PRDM6: variants seen among roughly 807,000 people sequenced by gnomAD.
PRDM6 encodes PR/SET domain 6.
A neutral mutation model predicts 60.8 loss-of-function variants in PRDM6; 25 were observed. The ratio of observed to expected loss-of-function variants is 0.41; its 90% confidence interval spans 0.30 to 0.57. PRDM6 has a LOEUF of 0.57. Among genes scored for constraint, PRDM6 ranks in the 20% least tolerant of loss-of-function variants. The probability of loss-of-function intolerance (pLI) is 0.27; values close to 1 mark genes in which losing one functional copy is unlikely to be tolerated. For synonymous variants in PRDM6, 407 were observed against 357.4 expected (o/e 1.14, Z -1.57); for missense variants, 839 against 821.3 (o/e 1.02, Z -0.26).
At chr5:123,174,837 C>T (rs1765968601) in intron 6 of PRDM6, among the ~76,000 whole-genome samples, 1 of 152,020 alleles carries the variant, frequency 6.6e-6, no homozygotes, top group African/African-American at 2.4e-5. Flanking sequence ...AAAAACACAC[C>T]CATGAGGGTC....
intron 6 of PRDM6, among the ~76,000 whole-genome samples, chr5:123,176,287 A>AAG (rs1358450372): frequency 6.6e-6 from 1 of 151,388 alleles, no homozygotes; most frequent in Admixed American, 6.6e-5. Context: ...AAAAAAACAA[A>AAG]AAAAAAACCA....
chr5:123,130,741 A>G (rs934269929), intron 3 of PRDM6, among the ~76,000 whole-genome samples: 2 of 151,962 alleles, frequency 1.3e-5, no homozygotes, highest in African/African-American at 4.8e-5. Context: ...ATTGTTTTGT[A>G]TTTTTAATAG....
At chr5:123,142,877 C>CAAAAAAAAAAAA in intron 3 of PRDM6, among the ~76,000 whole-genome samples, 30 of 27,354 alleles carry the variant, frequency 1.1e-3, no homozygotes, top group Non-Finnish European at 1.3e-3. Context: ...CAGTGAAGAC[C>CAAAAAAAAAAAA]AAAAAAAAAA....
At chr5:123,109,396 C>T (rs758853720) in intron 3 of PRDM6, among the ~76,000 whole-genome samples, 1 of 152,026 alleles carries the variant, frequency 6.6e-6, no homozygotes, top group Non-Finnish European at 1.5e-5. Flanking sequence ...GATTTTCCCC[C>T]GTTTTCAGTT....
At chr5:123,106,022 G>T (rs1049808823) in intron 3 of PRDM6, among the ~76,000 whole-genome samples, 14 of 152,202 alleles carry the variant, frequency 9.2e-5, no homozygotes, top group Non-Finnish European at 2.1e-4. Flanking sequence ...CAATTGTCAG[G>T]CTGCCTGTTC....
At chr5:123,125,820 G>T (rs1035408868) in intron 3 of PRDM6, among the ~76,000 whole-genome samples, 1 of 152,220 alleles carries the variant, frequency 6.6e-6, no homozygotes, top group South Asian at 2.1e-4. Flanking sequence ...TGAAGACAGG[G>T]AGTTTCATGC....
At position 123,090,590 on chromosome 5, in the gene PRDM6, C is replaced by G. The variant is rs1415274941; in HGVS notation, c.576C>G (p.Thr192=). 8.5e-6 allele frequency: 13 copies of G among 1,524,110 alleles called. 1 individual carries two copies. The highest frequency in any genetic ancestry group is 8.7e-6 in the Non-Finnish European group (10 of 1,143,086). 94.4% of individuals were successfully genotyped at this position (1,524,110 alleles called of 1,614,324 possible). A position where few individuals can be genotyped will look rare whatever the true frequency, so the allele number is the denominator to read the frequency against. Residue 192 remains threonine (T), a synonymous_variant, in exon 2 of 8, where the codon ACC becomes ACG. Coordinates refer to ENST00000407847, the MANE Select transcript of PRDM6 (RefSeq NM_001136239.4). ...RMEIIPLNQH[T]SDPNNRCDMC... The stretch of plus-strand genomic sequence containing the variant: ...AGATCATCCCGCTCAACCAGCACAC[C>G]AGCGACCCCAACAACCGTACGTAGC...
rs568350979 is a variant in PRDM6, at chr5:123,194,257, G to A, written c.*7056G>A. On this transcript the variant is annotated 3_prime_UTR_variant, in exon 8 of 8. Transcript: ENST00000407847. ...TATTTGATTAATAAAACGTTTTTAT[G>A]ATGACTCGATCTTCCCTTGGATTCT... is the stretch of plus-strand genomic sequence containing the variant. 8 of 152,216 alleles carry A rather than the reference G, an allele frequency of 5.3e-5. No individual in the cohort carries two copies. In the South Asian group the frequency reaches 1.0e-3, roughly 20 times the overall value. 9.4% of individuals were successfully genotyped at this position (152,216 alleles called of 1,614,324 possible).
chr5:123,092,772 A>G (rs1349742628), intron 2 of PRDM6, among the ~76,000 whole-genome samples: 1 of 152,180 alleles, frequency 6.6e-6, no homozygotes, highest in African/African-American at 2.4e-5. Flanking sequence ...AAGAAAATAG[A>G]AAGCTGAGAT....
At chr5:123,101,728 GT>G (rs764862958) in intron 3 of PRDM6, among the ~76,000 whole-genome samples, 16 of 152,298 alleles carry the variant, frequency 1.1e-4, no homozygotes, top group African/African-American at 2.4e-4. Flanking sequence ...TTCATTGTGG[GT>G]TTTTTCCCCC....
Position 123,180,246 on chromosome 5 carries a change from C to G in PRDM6, c.1596C>G (p.Gly532=). The G allele has an allele frequency of 6.4e-7, 1 of 1,551,892 alleles. No homozygotes were observed. Among genetic ancestry groups the G allele is most frequent in the Non-Finnish European group, 8.7e-7 (1 of 1,147,030 alleles). ...CTAGTGACCGGCCTTTCAAGTGCGG[C>G]TACTGTGGTCGTGCCTTTGCCGGGG... ...THSSDRPFKC[G]YCGRAFAGAT... is the part of the protein sequence containing the mutation. Residue 532 remains glycine, a synonymous_variant, in exon 7 of 8, where the codon GGC becomes GGG. Coordinates refer to ENST00000407847, the MANE Select transcript of PRDM6 (RefSeq NM_001136239.4).
chr5:123,126,566 A>T (rs115919873), intron 3 of PRDM6, among the ~76,000 whole-genome samples: 3 of 152,214 alleles, frequency 2.0e-5, no homozygotes, highest in Non-Finnish European at 4.4e-5. Flanking sequence ...GGGTTCTGAC[A>T]TGCTCTCAGA....
At chr5:123,122,959 T>C (rs1481099206) in intron 3 of PRDM6, among the ~76,000 whole-genome samples, 1 of 152,224 alleles carries the variant, frequency 6.6e-6, no homozygotes, top group African/African-American at 2.4e-5. Context: ...CTTAAATTTT[T>C]CCCCTGGAAT....
At chr5:123,164,545 G>C (rs1319707732) in intron 5 of PRDM6, among the ~76,000 whole-genome samples, 5 of 152,158 alleles carry the variant, frequency 3.3e-5, no homozygotes, top group Admixed American at 1.3e-4. Flanking sequence ...AATTGGTCTA[G>C]AGCTGTTGAA....
At chr5:123,111,361 C>G (rs1764307082) in intron 3 of PRDM6, among the ~76,000 whole-genome samples, 3 of 152,152 alleles carry the variant, frequency 2.0e-5, no homozygotes. Context: ...CAGGAATCTA[C>G]TTTGTTAACA....
chr5:123,169,649 T>A (rs1765839813), intron 5 of PRDM6, among the ~76,000 whole-genome samples: 1 of 152,124 alleles, frequency 6.6e-6, no homozygotes, highest in South Asian at 2.1e-4. Flanking sequence ...GTCCTGAGAG[T>A]GACTATTTTA....
At chr5:123,158,920 T>G (rs1765567790) in intron 4 of PRDM6, among the ~76,000 whole-genome samples, 1 of 152,210 alleles carries the variant, frequency 6.6e-6, no homozygotes, top group Admixed American at 6.5e-5. Context: ...GTGTAATCTT[T>G]CAGCCAGAGT....
intron 4 of PRDM6, among the ~76,000 whole-genome samples, chr5:123,156,861 G>A (rs1294603084): frequency 6.6e-6 from 1 of 152,086 alleles, no homozygotes; most frequent in African/African-American, 2.4e-5. Context: ...TAGGAAAAAA[G>A]CCCCACCACT....
intron 6 of PRDM6, among the ~76,000 whole-genome samples, chr5:123,176,908 T>C (rs762238856): frequency 2.0e-5 from 3 of 152,202 alleles, no homozygotes; most frequent in Non-Finnish European, 4.4e-5. Flanking sequence ...TGGTCAGACC[T>C]TGGAAAATTA....
Sources: allele counts gnomAD v4.1 joint callset (sites outside exome capture counted in the v4.1 genomes callset), GRCh38; gene constraint gnomAD v4.1.1; transcripts MANE v1.5; gene names NCBI Gene and HGNC (gene_info 2026-07-23, HGNC 2026-07-21).